The following TTC7B variants were observed in gnomAD, a reference collection of about 807,000 sequenced individuals.
The protein encoded by TTC7B is tetratricopeptide repeat protein 7B.
In TTC7B, 28 loss-of-function variants were observed where a neutral mutation model predicts 106.8. That is an observed-to-expected ratio of 0.26 (90% confidence interval 0.19 to 0.36). The LOEUF is 0.36. Ranked by LOEUF, TTC7B falls within the 10% of genes least tolerant of loss-of-function variation. TTC7B has a pLI of 1.00. For synonymous variants in TTC7B, 405 were observed against 430.6 expected (o/e 0.94, Z 0.74); for missense variants, 862 against 1,076.4 (o/e 0.80, Z 2.79).
At position 90,577,969 on chromosome 14, in the gene TTC7B, G is replaced by A. The variant is rs1566779590; in HGVS notation, c.2310+137C>T. ...TAGAAACGGTGCCCTCTGGCTTCAGGCCATGTGACAGCCTGGCAAGCTAAC... is the reference window on the plus strand; with the variant it reads ...TAGAAACGGTGCCCTCTGGCTTCAGACCATGTGACAGCCTGGCAAGCTAAC... On this transcript the variant is annotated intron_variant, in intron 19 of 19. Coordinates refer to ENST00000328459, the MANE Select transcript of TTC7B (RefSeq NM_001010854.2). This position sits in a 1 kb window ranked among gnomAD's most constrained non-coding sequence, Gnocchi z 5.0. 8.1e-6 allele frequency: 9 copies of A among 1,105,088 alleles called. No homozygotes were observed. The highest frequency in any genetic ancestry group is 1.2e-5 in the Non-Finnish European group (9 of 773,724). 68.5% of individuals were successfully genotyped at this position (1,105,088 alleles called of 1,614,324 possible). A position where few individuals can be genotyped will look rare whatever the true frequency, so the allele number is the denominator to read the frequency against.
chr14:90,564,289 G>A (rs1418704419), intron 19 of TTC7B, among the ~76,000 whole-genome samples: 2 of 152,060 alleles, frequency 1.3e-5, no homozygotes, highest in African/African-American at 4.8e-5. Flanking sequence ...ATTTTGAGAG[G>A]AATCTTTTTC....
intron 7 of TTC7B, among the ~76,000 whole-genome samples, chr14:90,681,458 A>G (rs1887043711): frequency 6.6e-6 from 1 of 151,678 alleles, no homozygotes; most frequent in Non-Finnish European, 1.5e-5. Flanking sequence ...CATGTAATTG[A>G]AGGGATTTCC....
intron 3 of TTC7B, among the ~76,000 whole-genome samples, chr14:90,770,517 G>A (rs1035680206): frequency 7.9e-5 from 12 of 152,252 alleles, no homozygotes; most frequent in South Asian, 4.1e-4. Flanking sequence ...TTAGCTGGGC[G>A]TGGTGGCGCA....
intron 3 of TTC7B, among the ~76,000 whole-genome samples, chr14:90,776,015 G>A (rs1403978758): frequency 1.3e-5 from 2 of 152,044 alleles, no homozygotes; most frequent in East Asian, 3.9e-4. Context: ...ATAAAGCAGA[G>A]ATAGGTGCTT....
At chr14:90,701,692 A>G (rs1406791625) in intron 5 of TTC7B, among the ~76,000 whole-genome samples, 2 of 67,356 alleles carry the variant, frequency 3.0e-5, no homozygotes, top group Non-Finnish European at 3.8e-5. Flanking sequence ...AAAGAAACGT[A>G]TATATATATA....
chr14:90,772,331 C>A (rs1226850678), intron 3 of TTC7B, among the ~76,000 whole-genome samples: 1 of 152,122 alleles, frequency 6.6e-6, no homozygotes, highest in African/African-American at 2.4e-5. Flanking sequence ...TGAAAACAAC[C>A]TACATGTCCA....
At chr14:90,799,422 G>A (rs757559973) in intron 1 of TTC7B, among the ~76,000 whole-genome samples, 1 of 152,216 alleles carries the variant, frequency 6.6e-6, no homozygotes, top group Non-Finnish European at 1.5e-5. Flanking sequence ...AGACAGGGAA[G>A]ACAAAGAGAT....
chr14:90,593,708 C>T (rs746787805), intron 17 of TTC7B, 82 bp from the exon 18 acceptor site: 11 of 1,328,432 alleles, frequency 8.3e-6, no homozygotes, highest in South Asian at 3.2e-5. Flanking sequence ...CAGACAAGCG[C>T]GGAACACACA....
At chr14:90,611,499 G>T (rs573196500) in intron 16 of TTC7B, among the ~76,000 whole-genome samples, 1 of 152,086 alleles carries the variant, frequency 6.6e-6, no homozygotes, top group Non-Finnish European at 1.5e-5. Context: ...GTGCTACATC[G>T]TGTGGTTAAC....
intron 9 of TTC7B, among the ~76,000 whole-genome samples, chr14:90,670,172 C>T (rs899982113): frequency 3.9e-5 from 6 of 152,192 alleles, no homozygotes; most frequent in African/African-American, 1.4e-4. Flanking sequence ...GAATGAAGTT[C>T]TGATTAATGC....
rs533870177 is a variant in TTC7B at position 90,583,752 on chromosome 14, G to A, written c.2108-5444C>T. Among the ~76,000 whole-genome samples the A allele has an allele frequency of 5.3e-5, 8 of 152,264 alleles. No individual in the cohort carries two copies. In the East Asian group the frequency reaches 5.8e-4, roughly 11 times the overall value. ...GGATACTTCCTACCTTATTTTGAGA[G>A]CTCCATAAGCTCTGAATGTTCTCTT... is the stretch of plus-strand genomic sequence containing the variant. On this transcript the variant is annotated intron_variant, in intron 18 of 19. Transcript: ENST00000328459.
chr14:90,673,185 C>A (rs1017384991), intron 9 of TTC7B, among the ~76,000 whole-genome samples: 1 of 152,214 alleles, frequency 6.6e-6, no homozygotes, highest in Non-Finnish European at 1.5e-5. Flanking sequence ...GTGCAAGATA[C>A]TGTCCCATTC....
At chr14:90,627,521 C>T (rs563002960) in intron 15 of TTC7B, among the ~76,000 whole-genome samples, 5 of 152,332 alleles carry the variant, frequency 3.3e-5, no homozygotes, top group African/African-American at 1.2e-4. Flanking sequence ...GGAGATACCT[C>T]GTTCTTCAGA....
Position 90,657,348 on chromosome 14 carries a change from GA to G in TTC7B, c.1237-71del. On this transcript the variant is annotated intron_variant, in intron 10 of 19. Transcript: ENST00000328459. This position sits in a 1 kb window ranked among gnomAD's most constrained non-coding sequence, Gnocchi z 4.2. ...AGAACCGAATACTACAGCCTTCTCA[GA>G]GGGGTTTTTGGTCAGGGTGACCTCC... The G allele has an allele frequency of 6.6e-7, 1 of 1,516,382 alleles. No homozygotes were observed. The highest frequency in any genetic ancestry group is 9.0e-7 in the Non-Finnish European group (1 of 1,113,676). The allele number at this position is 1,516,382 out of a possible 1,614,324, so 93.9% of individuals were successfully genotyped here. A position where few individuals can be genotyped will look rare whatever the true frequency, so the allele number is the denominator to read the frequency against.
At chr14:90,799,630 C>T (rs1039788795) in intron 1 of TTC7B, among the ~76,000 whole-genome samples, 2 of 152,060 alleles carry the variant, frequency 1.3e-5, no homozygotes, top group African/African-American at 2.4e-5. Context: ...GGAAAGGCCC[C>T]GAGGTGTGAA....
intron 4 of TTC7B, among the ~76,000 whole-genome samples, chr14:90,737,763 T>C (rs1328356149): frequency 1.3e-5 from 2 of 152,106 alleles, no homozygotes; most frequent in East Asian, 3.8e-4. Flanking sequence ...TTCACCATAT[T>C]GGCCAGGCTG....
intron 19 of TTC7B, among the ~76,000 whole-genome samples, chr14:90,572,274 T>C (rs1295761735): frequency 6.6e-6 from 1 of 152,178 alleles, no homozygotes; most frequent in African/African-American, 2.4e-5. Flanking sequence ...GGCCCCTCTT[T>C]GAACTTCAGA....
Position 90,662,679 on chromosome 14 carries a change from G to A in TTC7B, c.1153-4292C>T, listed in dbSNP as rs188817070. Among the ~76,000 whole-genome samples the A allele has an allele frequency of 9.8e-5, 15 of 152,320 alleles. No individual in the cohort carries two copies. The East Asian group carries it at 2.5e-3, about 25-fold the overall frequency. On this transcript the variant is annotated intron_variant, in intron 9 of 19. Coordinates refer to ENST00000328459, the MANE Select transcript of TTC7B (RefSeq NM_001010854.2). Reference sequence around the variant, plus strand: ...TTCCCCACTGTAAAATGGGAACTATGACAGTAATTAATGCAGAGAGTTACT... The same window carrying A: ...TTCCCCACTGTAAAATGGGAACTATAACAGTAATTAATGCAGAGAGTTACT...
At chr14:90,711,990 T>C (rs1356253931) in intron 5 of TTC7B, among the ~76,000 whole-genome samples, 1 of 152,148 alleles carries the variant, frequency 6.6e-6, no homozygotes, top group East Asian at 1.9e-4. Context: ...GATCCACCCA[T>C]ATGCTATGTA....
Sources: gnomAD v4.1 joint callset for allele counts (sites outside exome capture counted in the v4.1 genomes callset) on GRCh38, gnomAD v4.1.1 for gene constraint, Gnocchi (gnomAD v3.1) non-coding constraint, MANE v1.5 for transcripts, NCBI Gene and HGNC (gene_info 2026-07-23, HGNC 2026-07-21) for gene names.